Variants in MBNL3 observed in about 807,000 individuals in gnomAD.
MBNL3 encodes the protein muscleblind like splicing regulator 3, also known as muscleblind-like protein 3.
In MBNL3, 6 loss-of-function variants were observed where a neutral mutation model predicts 24.5. The observed-to-expected ratio is 0.25, with a 90% CI of 0.13 to 0.48. The LOEUF is 0.48. MBNL3 is among the 20% of genes least tolerant of loss of function. MBNL3 has a pLI of 0.99. For synonymous variants in MBNL3, 100 were observed against 101.7 expected (o/e 0.98, Z 0.10); for missense variants, 230 against 293.5 (o/e 0.78, Z 1.58).
intron 1 of MBNL3, among the ~76,000 whole-genome samples, chrX:132,458,147 T>C (rs1320843892): frequency 9.0e-6 from 1 of 111,296 alleles, no homozygotes; most frequent in African/African-American, 3.3e-5. Flanking sequence ...CAGTAAGAAC[T>C]AACTCAGGGC....
At chrX:132,412,527 C>T (rs1028614265) in intron 2 of MBNL3, among the ~76,000 whole-genome samples, 4 of 112,400 alleles carry the variant, frequency 3.6e-5, no homozygotes, top group African/African-American at 9.7e-5. Context: ...AAAATGTTTG[C>T]GGCTTTCCTT....
In MBNL3 at chrX:132,372,568, A is replaced by G. The variant is rs1467854638; in HGVS notation, c.*7098T>C. On this transcript the variant is annotated 3_prime_UTR_variant, in exon 9 of 9. Coordinates refer to ENST00000370853, the MANE Select transcript of MBNL3 (RefSeq NM_001386889.1). Reference sequence around the variant, plus strand: ...CCCATAATCCAGTGATATGATGGTCATATCATTCTCTCAACTGCTAGACAC... The same window carrying G: ...CCCATAATCCAGTGATATGATGGTCGTATCATTCTCTCAACTGCTAGACAC... 1 of 109,380 alleles carries G rather than the reference A, an allele frequency of 9.1e-6. No individual in the cohort carries two copies. The highest frequency in any genetic ancestry group is 1.9e-5 in the Non-Finnish European group (1 of 52,514). 9.0% of individuals were successfully genotyped at this position (109,380 alleles called of 1,213,427 possible). A position where few individuals can be genotyped will look rare whatever the true frequency, so the allele number is the denominator to read the frequency against.
intron 2 of MBNL3, among the ~76,000 whole-genome samples, chrX:132,436,749 A>G (rs1945138786): frequency 8.9e-6 from 1 of 112,418 alleles, no homozygotes; most frequent in African/African-American, 3.2e-5. Flanking sequence ...GTCATGGATA[A>G]GAACTACAAA....
At chrX:132,429,028 G>A (rs750934988) in intron 2 of MBNL3, among the ~76,000 whole-genome samples, 8 of 112,130 alleles carry the variant, frequency 7.1e-5, no homozygotes, top group African/African-American at 2.6e-4. Flanking sequence ...CAAAGGGTCA[G>A]TATTAATGGT....
In MBNL3 at chrX:132,369,665, G is replaced by A. The variant is rs1274370177; in HGVS notation, c.*10001C>T. ...CCAGTTTTTAATGAACAGGCTGTTTGCTTTAGCAGGTGCTGTTGCTGGTAT... is the reference window on the plus strand; with the variant it reads ...CCAGTTTTTAATGAACAGGCTGTTTACTTTAGCAGGTGCTGTTGCTGGTAT... On this transcript the variant is annotated 3_prime_UTR_variant, in exon 9 of 9. Coordinates refer to ENST00000370853, the MANE Select transcript of MBNL3 (RefSeq NM_001386889.1). 1 of 111,962 alleles carries A rather than the reference G, an allele frequency of 8.9e-6. No homozygotes were observed. Among genetic ancestry groups the A allele is most frequent in the Non-Finnish European group, 1.9e-5 (1 of 53,170 alleles). 9.2% of individuals were successfully genotyped at this position (111,962 alleles called of 1,213,427 possible). A position where few individuals can be genotyped will look rare whatever the true frequency, so the allele number is the denominator to read the frequency against.
intron 3 of MBNL3, among the ~76,000 whole-genome samples, chrX:132,395,589 T>C (rs1037021178): frequency 9.0e-5 from 10 of 111,692 alleles, no homozygotes; most frequent in Non-Finnish European, 1.3e-4. Flanking sequence ...TAAGATCACC[T>C]GACAACTATT....
chrX:132,474,501 A>G (rs1157953153), intron 1 of MBNL3, among the ~76,000 whole-genome samples: 1 of 111,009 alleles, frequency 9.0e-6, no homozygotes, highest in Non-Finnish European at 1.9e-5. Context: ...TTTTATGACA[A>G]TCCTAATCCT....
intron 2 of MBNL3, among the ~76,000 whole-genome samples, chrX:132,434,243 T>C (rs1337151798): frequency 8.0e-5 from 9 of 112,154 alleles, no homozygotes; most frequent in African/African-American, 6.5e-5. Flanking sequence ...CACTCTCCAG[T>C]GTTCTGTCTT....
At position 132,439,598 on chromosome X, in the gene MBNL3, T is replaced by C. The variant is rs756844372; in HGVS notation, c.14A>G (p.Asn5Ser). 13 of 1,199,430 alleles carry C rather than the reference T, an allele frequency of 1.1e-5. No homozygotes were observed. The South Asian group carries it at 1.7e-4, about 15-fold the overall frequency. Residue 5 changes from asparagine (N) to serine (S), a missense_variant, in exon 2 of 9, where the codon AAT becomes AGT. Physicochemically the swap from Asn to Ser is conservative, Grantham distance 46. Coordinates refer to ENST00000370853, the MANE Select transcript of MBNL3 (RefSeq NM_001386889.1). Reference protein sequence around the residue: MTAVNVALIRDTKWL... With the variant: MTAVSVALIRDTKWL... ...CTTGGTATCACGAATCAGGGCAACA[T>C]TGACAGCCGTCATATTGAAAGCAAA... is the stretch of plus-strand genomic sequence containing the variant.
chrX:132,406,198 G>A (rs367885759), intron 3 of MBNL3, 30 bp downstream of exon 3: 1 of 1,207,340 alleles, frequency 8.3e-7, no homozygotes, highest in East Asian at 3.0e-5. Flanking sequence ...GATCTTTATC[G>A]GCAATTTTCA....
At position 132,371,178 on chromosome X, in the gene MBNL3, C is replaced by G. The variant is rs939477616; in HGVS notation, c.*8488G>C. ...AAATAGTAAAACAGGGCACAAGGGG[C>G]AAGAGAACTATGTATAGGGCAGCTG... On this transcript the variant is annotated 3_prime_UTR_variant, in exon 9 of 9. Coordinates refer to ENST00000370853, the MANE Select transcript of MBNL3 (RefSeq NM_001386889.1). 3.6e-5 allele frequency: 4 copies of G among 110,918 alleles called. No individual in the cohort carries two copies. Among genetic ancestry groups the G allele is most frequent in the African/African-American group, 1.3e-4 (4 of 30,473 alleles). The allele number at this position is 110,918 out of a possible 1,213,427, so 9.1% of individuals were successfully genotyped here.
At chrX:132,411,835 A>ATG (rs1437908309) in intron 2 of MBNL3, among the ~76,000 whole-genome samples, 1 of 111,553 alleles carries the variant, frequency 9.0e-6, no homozygotes. Flanking sequence ...ATCTCCAGGG[A>ATG]TGTGTGTGTG....
intron 1 of MBNL3, among the ~76,000 whole-genome samples, chrX:132,468,368 A>T (rs1408960421): frequency 8.9e-6 from 1 of 112,188 alleles, no homozygotes; most frequent in Admixed American, 9.5e-5. Context: ...GATACCAGAA[A>T]ATCTAGCTGG....
chrX:132,471,929 A>G (rs73556187), intron 1 of MBNL3, among the ~76,000 whole-genome samples: 1,457 of 112,003 alleles, frequency 0.013, 31 homozygotes, highest in African/African-American at 0.045. Flanking sequence ...TGCTGAAGCA[A>G]TTTTCCAAGA....
chrX:132,408,432 T>C (rs1482577839), intron 2 of MBNL3, among the ~76,000 whole-genome samples: 16 of 110,020 alleles, frequency 1.5e-4, no homozygotes, highest in African/African-American at 4.9e-4. Context: ...AACTATATAA[T>C]GAAGACTGTC....
Position 132,439,493 on chromosome X carries a change from G to T in MBNL3, c.119C>A (p.Pro40Gln). The change falls in exon 2 of 9, where the codon CCA (proline) becomes CAA (glutamine). Residue 40 changes from proline to glutamine, a missense_variant. By Grantham distance (76) the Pro-to-Gln change is moderately conservative. Transcript: ENST00000370853. ...RADADCKFAH[P>Q]PRVCHVENGR... The stretch of plus-strand genomic sequence containing the variant: ...ATTTTCCACATGGCAAACTCTTGGT[G>T]GATGGGCAAACTTGCAATCTGCATC... 1 of 1,208,160 alleles carries T rather than the reference G, an allele frequency of 8.3e-7. No individual in the cohort carries two copies. The highest frequency in any genetic ancestry group is 1.1e-6 in the Non-Finnish European group (1 of 893,919).
chrX:132,396,993 T>C (rs1462152995), intron 3 of MBNL3, among the ~76,000 whole-genome samples: 4 of 91,809 alleles, frequency 4.4e-5, no homozygotes, highest in Non-Finnish European at 8.4e-5. Flanking sequence ...TATATATGTA[T>C]ATGAATTTAG....
intron 3 of MBNL3, among the ~76,000 whole-genome samples, chrX:132,395,813 A>T (rs1403103225): frequency 1.8e-5 from 2 of 111,385 alleles, no homozygotes; most frequent in Non-Finnish European, 3.8e-5. Context: ...AGAAAAATTC[A>T]TGTATGCAAA....
chrX:132,486,473 T>C (rs1424136362), intron 1 of MBNL3, among the ~76,000 whole-genome samples: 2 of 111,842 alleles, frequency 1.8e-5, no homozygotes, highest in African/African-American at 6.5e-5. Flanking sequence ...ATAATACACC[T>C]ACTGGTCAAA....
Sources: allele counts gnomAD v4.1 joint callset (sites outside exome capture counted in the v4.1 genomes callset), GRCh38; gene constraint gnomAD v4.1.1; transcripts MANE v1.5; gene names NCBI Gene and HGNC (gene_info 2026-07-23, HGNC 2026-07-21).